PPP1R12C: variants seen among roughly 807,000 people sequenced by gnomAD.
PPP1R12C encodes leukocyte receptor cluster (LRC) encoded novel gene 3.
Under a neutral mutation model 95.6 loss-of-function variants are expected in PPP1R12C, and 48 were observed. The observed-to-expected ratio is 0.50, with a 90% CI of 0.40 to 0.64. The LOEUF is 0.64. PPP1R12C is among the 30% of genes least tolerant of loss of function. The pLI, the probability that PPP1R12C is intolerant of heterozygous loss-of-function variation, is 0.00. For synonymous variants in PPP1R12C, 480 were observed against 460.8 expected (o/e 1.04, Z -0.53); for missense variants, 1,057 against 1,083.3 (o/e 0.98, Z 0.34).
At position 55,109,204 on chromosome 19, in the gene PPP1R12C, A is replaced by C. The variant is rs1315645976; in HGVS notation, c.571+3263T>G. On this transcript the variant is annotated intron_variant, in intron 3 of 21. Coordinates refer to ENST00000263433, the MANE Select transcript of PPP1R12C (RefSeq NM_017607.4). This position sits in a 1 kb window ranked among gnomAD's most constrained non-coding sequence, Gnocchi z 4.4. ...CATCTTCCACCTCCCAGGCTCAAGCAATCTTCTCACCTCAGCCTACTGAGT... is the reference window on the plus strand; with the variant it reads ...CATCTTCCACCTCCCAGGCTCAAGCCATCTTCTCACCTCAGCCTACTGAGT... Among the ~76,000 whole-genome samples, 3 of 152,218 alleles carry C rather than the reference A, an allele frequency of 2.0e-5. No individual in the cohort carries two copies. The highest frequency in any genetic ancestry group is 4.4e-5 in the Non-Finnish European group (3 of 68,034).
intron 1 of PPP1R12C, chr19:55,113,606 C>A: frequency 7.8e-7 from 1 of 1,285,320 alleles, no homozygotes; most frequent in East Asian, 3.1e-5. Context: ...TGAACTGGAG[C>A]TGAGGAAGGA....
chr19:55,095,608 GAGA>G lies in PPP1R12C; in HGVS notation c.1228-8_1228-6del, dbSNP rs777931368. ...GAAGGGGGCCTCTTCAAGCTGCTGG[GAGA>G]AGGAGGAGGTCTCAGTTAGAGAGAA... On this transcript the variant is annotated splice_polypyrimidine_tract_variant and splice_region_variant and intron_variant, in intron 9 of 21. Coordinates refer to ENST00000263433, the MANE Select transcript of PPP1R12C (RefSeq NM_017607.4). 4 of 1,550,776 alleles carry G rather than the reference GAGA, an allele frequency of 2.6e-6. No homozygotes were observed. The highest frequency in any genetic ancestry group is 2.6e-6 in the Non-Finnish European group (3 of 1,153,000).
intron 3 of PPP1R12C, among the ~76,000 whole-genome samples, chr19:55,105,254 A>G (rs2085025499): frequency 6.6e-6 from 1 of 152,116 alleles, no homozygotes; most frequent in Non-Finnish European, 1.5e-5. Flanking sequence ...CAACTGTTCA[A>G]TCCTATTATA....
intron 3 of PPP1R12C, among the ~76,000 whole-genome samples, chr19:55,107,624 G>T (rs683413): frequency 0.94 from 141,196 of 150,990 alleles, 66,158 homozygotes; most frequent in East Asian, 1. Flanking sequence ...ACTGCATGTT[G>T]TCACTCATAG....
At position 55,112,693 on chromosome 19, in the gene PPP1R12C, C is replaced by T. The variant is rs765132319; in HGVS notation, c.424G>A (p.Ala142Thr). ...NEGWTPLHVA[A>T]SCGYLDIARY... Reference sequence around the variant, plus strand: ...GCGATATCTAGGTAGCCACAGGAGGCGGCCACGTGCAGTGGCGTCCAGCCC... The same window carrying T: ...GCGATATCTAGGTAGCCACAGGAGGTGGCCACGTGCAGTGGCGTCCAGCCC... The change falls in exon 2 of 22, where the codon GCC becomes ACC. Residue 142 changes from alanine (A) to threonine (T), a missense_variant. By Grantham distance (58) the Ala-to-Thr change is moderately conservative. Transcript: ENST00000263433. 7.4e-6 allele frequency: 12 copies of T among 1,613,764 alleles called. No homozygotes were observed. The highest frequency in any genetic ancestry group is 1.1e-5 in the South Asian group (1 of 91,086).
chr19:55,091,681 C>A lies in PPP1R12C; in HGVS notation c.2231G>T (p.Arg744Leu), dbSNP rs766702126. The change falls in exon 21 of 22, where the codon CGC becomes CTC. Residue 744 changes from arginine (R) to leucine (L), a missense_variant. Coordinates refer to ENST00000263433, the MANE Select transcript of PPP1R12C (RefSeq NM_017607.4). ...LERFERRALE[R>L]KAAELEEELK... ...CTCCTCCTCCAGCTCTGCGGCCTTGCGTTCCAGGGCCCTGCGCTCCTGGAA... is the reference window on the plus strand; with the variant it reads ...CTCCTCCTCCAGCTCTGCGGCCTTGAGTTCCAGGGCCCTGCGCTCCTGGAA... The A allele has an allele frequency of 5.6e-6, 9 of 1,610,842 alleles. No individual in the cohort carries two copies. The highest frequency in any genetic ancestry group is 5.4e-5 in the African/African-American group (4 of 74,730).
At chr19:55,113,474 G>T in intron 1 of PPP1R12C, 1 of 1,473,350 alleles carries the variant, frequency 6.8e-7, no homozygotes, top group African/African-American at 1.4e-5. Context: ...GGGCTGACAC[G>T]GGCCACCGTT....
intron 17 of PPP1R12C, 32 bp from the exon 18 acceptor site, chr19:55,092,576 C>A: frequency 6.4e-7 from 1 of 1,566,086 alleles, no homozygotes; most frequent in Middle Eastern, 1.8e-4. Context: ...CGTCAGGGGC[C>A]GGCCCGGCCC....
intron 3 of PPP1R12C, 80 bp from the exon 4 acceptor site, chr19:55,103,648 G>T: frequency 7.4e-7 from 1 of 1,356,426 alleles, no homozygotes; most frequent in Non-Finnish European, 9.8e-7. Context: ...GCTGGCCAGG[G>T]TTCAGCCCAG....
Position 55,104,161 on chromosome 19 carries a change from TAA to T in PPP1R12C, c.572-595_572-594del, listed in dbSNP as rs1183787714. Among the ~76,000 whole-genome samples, 114 of 50,292 alleles carry T rather than the reference TAA, an allele frequency of 2.3e-3. 1 individual carries two copies. In the South Asian group the frequency reaches 0.037, roughly 16 times the overall value. 33.0% of individuals were successfully genotyped at this position (50,292 alleles called of 152,430 possible). A position where few individuals can be genotyped will look rare whatever the true frequency, so the allele number is the denominator to read the frequency against. On this transcript the variant is annotated intron_variant, in intron 3 of 21. Transcript: ENST00000263433. ...CTGGGCAACACAGTGAGACTCTGTC[TAA>T]AAAAAAAAAAAAAAAAGTATATATA...
chr19:55,112,266 TGTGC>T, intron 3 of PPP1R12C, 197 bp downstream of exon 3: 1 of 333,134 alleles, frequency 3.0e-6, no homozygotes, highest in South Asian at 3.1e-5. Flanking sequence ...GTTCTCATCC[TGTGC>T]GTGTGCTGGG....
Position 55,091,848 on chromosome 19 carries a change from C to A in PPP1R12C, c.2211+11G>T. 6.2e-7 allele frequency: 1 copy of A among 1,613,422 alleles called. No individual in the cohort carries two copies. The highest frequency in any genetic ancestry group is 8.5e-7 in the Non-Finnish European group (1 of 1,179,976). On this transcript the variant is annotated intron_variant, in intron 20 of 21. Transcript: ENST00000263433. ...ACGCCTCTGGCCCCCATCCCCACTGCCCCTACTCACGAATCTCTCCAGTTC... is the reference window on the plus strand; with the variant it reads ...ACGCCTCTGGCCCCCATCCCCACTGACCCTACTCACGAATCTCTCCAGTTC...
At chr19:55,091,606 C>A in intron 21 of PPP1R12C, 44 bp downstream of exon 21, 1 of 1,605,742 alleles carries the variant, frequency 6.2e-7, no homozygotes, top group Non-Finnish European at 8.5e-7. Flanking sequence ...GGTTGCACCC[C>A]CACCCACCCT....
At position 55,113,530 on chromosome 19, in the gene PPP1R12C, G is replaced by A. The variant is rs73935112; in HGVS notation, c.322-735C>T. 7.7e-4 allele frequency: 1,066 copies of A among 1,386,552 alleles called. 11 individuals are homozygous for A. In the African/African-American group the frequency reaches 0.013, roughly 17 times the overall value. 85.9% of individuals were successfully genotyped at this position (1,386,552 alleles called of 1,614,324 possible). Reference sequence around the variant, plus strand: ...TCCAAAACTTGGGGGGACAAAAGCCGAAGTCCAGGGGGTCGGAGGAGGGAC... The same window carrying A: ...TCCAAAACTTGGGGGGACAAAAGCCAAAGTCCAGGGGGTCGGAGGAGGGAC... On this transcript the variant is annotated intron_variant, in intron 1 of 21. Transcript: ENST00000263433.
Position 55,098,774 on chromosome 19 carries a change from T to C in PPP1R12C, c.951+10A>G. 6.2e-7 allele frequency: 1 copy of C among 1,613,350 alleles called. No individual in the cohort carries two copies. Among genetic ancestry groups the C allele is most frequent in the East Asian group, 2.2e-5 (1 of 44,856 alleles). On this transcript the variant is annotated intron_variant, in intron 6 of 21. Transcript: ENST00000263433. The stretch of plus-strand genomic sequence containing the variant: ...GAGTCTGGGGTAAGCCCCTCAGCCC[T>C]GACACTCACGTCCTCCTGTTTCCGG...
At chr19:55,097,637 T>C (rs1268034864) in intron 6 of PPP1R12C, among the ~76,000 whole-genome samples, 2 of 117,752 alleles carry the variant, frequency 1.7e-5, no homozygotes, top group Admixed American at 8.9e-5. Flanking sequence ...ACCACCGTCT[T>C]CACCCCTTCC....
At chr19:55,094,522 G>A in intron 12 of PPP1R12C, 87 bp from the exon 13 acceptor site, 1 of 1,588,910 alleles carries the variant, frequency 6.3e-7, no homozygotes, top group Non-Finnish European at 8.6e-7. Flanking sequence ...AGCAAGTTCT[G>A]TGGGAGGGGA....
chr19:55,106,260 T>C (rs1268062476), intron 3 of PPP1R12C, among the ~76,000 whole-genome samples: 6 of 152,186 alleles, frequency 3.9e-5, no homozygotes, highest in Non-Finnish European at 8.8e-5. Context: ...TCCTCTTTGG[T>C]GTGGGCTCCG....
intron 11 of PPP1R12C, chr19:55,095,083 G>C: frequency 1.4e-6 from 1 of 705,462 alleles, no homozygotes; most frequent in Non-Finnish European, 2.4e-6. Flanking sequence ...TGTGCACCTC[G>C]GGGTGGGGGG....
Sources: gnomAD v4.1 joint callset for allele counts (sites outside exome capture counted in the v4.1 genomes callset) on GRCh38, gnomAD v4.1.1 for gene constraint, Gnocchi (gnomAD v3.1) non-coding constraint, MANE v1.5 for transcripts, NCBI Gene and HGNC (gene_info 2026-07-23, HGNC 2026-07-21) for gene names.